UQCC1: variants seen among roughly 807,000 people sequenced by gnomAD.
UQCC1 encodes bFGF-repressed Zic-binding protein.
In UQCC1, 38 loss-of-function variants were observed where a neutral mutation model predicts 48.0. The ratio of observed to expected loss-of-function variants is 0.79; its 90% confidence interval spans 0.61 to 1.04. UQCC1 has a LOEUF of 1.04. Ranked by LOEUF, UQCC1 falls within the 50% of genes least tolerant of loss-of-function variation. UQCC1 has a pLI of 0.00. For synonymous variants in UQCC1, 111 were observed against 129.2 expected (o/e 0.86, Z 0.95); for missense variants, 368 against 381.8 (o/e 0.96, Z 0.30).
At chr20:35,339,250 G>A (rs1401385141) in intron 7 of UQCC1, among the ~76,000 whole-genome samples, 1 of 152,126 alleles carries the variant, frequency 6.6e-6, no homozygotes, top group African/African-American at 2.4e-5. Flanking sequence ...AGTGACTACG[G>A]TAGGCATGTG....
In UQCC1 at chr20:35,302,585, C is replaced by T. The variant is rs1236114912; in HGVS notation, c.*1350G>A. 6.6e-6 allele frequency: 1 copy of T among 152,184 alleles called. No individual in the cohort carries two copies. Among genetic ancestry groups the T allele is most frequent in the African/African-American group, 2.4e-5 (1 of 41,432 alleles). The allele number at this position is 152,184 out of a possible 1,614,324, so 9.4% of individuals were successfully genotyped here. A position where few individuals can be genotyped will look rare whatever the true frequency, so the allele number is the denominator to read the frequency against. The stretch of plus-strand genomic sequence containing the variant: ...CATCCATTCCAGGAGCAGTTAGGTA[C>T]ACACAGTAAAGTTTATTTTGGTGCA... On this transcript the variant is annotated 3_prime_UTR_variant, in exon 10 of 10. Coordinates refer to ENST00000374385, the MANE Select transcript of UQCC1 (RefSeq NM_018244.5).
chr20:35,315,772 C>G (rs1283061820), intron 7 of UQCC1, among the ~76,000 whole-genome samples: 19 of 152,102 alleles, frequency 1.2e-4, no homozygotes, highest in Admixed American at 1.2e-3. Context: ...TGACTGTAGT[C>G]CCGGCTACTT....
Position 35,346,797 on chromosome 20 carries a change from A to G in UQCC1, c.573+367T>C, listed in dbSNP as rs77622153. Reference sequence around the variant, plus strand: ...CAGGGCCTCCCATCAGAACTAATTTATAGAAGGACTGGTTCAAATATTGAA... The same window carrying G: ...CAGGGCCTCCCATCAGAACTAATTTGTAGAAGGACTGGTTCAAATATTGAA... On this transcript the variant is annotated intron_variant, in intron 7 of 9. Transcript: ENST00000374385. 224 of 565,500 alleles carry G rather than the reference A, an allele frequency of 4.0e-4. 1 individual carries two copies. In the East Asian group the frequency reaches 5.2e-3, roughly 13 times the overall value. The allele number at this position is 565,500 out of a possible 1,614,324, so 35.0% of individuals were successfully genotyped here.
At chr20:35,392,274 G>A (rs183766193) in intron 2 of UQCC1, 151 of 1,304,184 alleles carry the variant, frequency 1.2e-4, no homozygotes, top group Middle Eastern at 6.4e-4. Flanking sequence ...TCCAACCAGG[G>A]GACCTCAAAG....
rs115140325 is a variant in UQCC1 at position 35,392,709 on chromosome 20, G to A, written c.129+1383C>T. Among the ~76,000 whole-genome samples the A allele has an allele frequency of 6.8e-3, 1,037 of 152,140 alleles. 16 individuals carry two copies. The highest frequency in any genetic ancestry group is 0.024 in the African/African-American group (991 of 41,506). On this transcript the variant is annotated intron_variant, in intron 2 of 9. Coordinates refer to ENST00000374385, the MANE Select transcript of UQCC1 (RefSeq NM_018244.5). ...GTGACTACTCTGTGCCAGGCATAGTGAAAAGACCAGGAAATACAAGAAAAA... is the reference window on the plus strand; with the variant it reads ...GTGACTACTCTGTGCCAGGCATAGTAAAAAGACCAGGAAATACAAGAAAAA...
chr20:35,346,244 AG>A, intron 7 of UQCC1: 1 of 152,370 alleles, frequency 6.6e-6, no homozygotes, highest in African/African-American at 2.4e-5. Context: ...TGGCCACCCT[AG>A]CCAGCAGTGG....
At chr20:35,317,307 T>C (rs1237867471) in intron 7 of UQCC1, among the ~76,000 whole-genome samples, 1 of 152,222 alleles carries the variant, frequency 6.6e-6, no homozygotes, top group African/African-American at 2.4e-5. Flanking sequence ...AATTTAATAA[T>C]GTATGTATGC....
At chr20:35,386,542 C>A (rs988538029) in intron 2 of UQCC1, among the ~76,000 whole-genome samples, 1 of 152,192 alleles carries the variant, frequency 6.6e-6, no homozygotes, top group African/African-American at 2.4e-5. Context: ...CTTTGTAAAA[C>A]ACAGACTAAA....
intron 1 of UQCC1, among the ~76,000 whole-genome samples, chr20:35,401,019 C>G (rs1197524107): frequency 6.6e-6 from 1 of 152,128 alleles, no homozygotes; most frequent in Non-Finnish European, 1.5e-5. Context: ...ACAGGTGTAG[C>G]GGATTCTAGT....
At chr20:35,312,843 C>T (rs1373781015) in intron 8 of UQCC1, among the ~76,000 whole-genome samples, 2 of 151,998 alleles carry the variant, frequency 1.3e-5, no homozygotes, top group African/African-American at 2.4e-5. Context: ...GAATTATCTA[C>T]AGTAGTCAAA....
chr20:35,380,664 CT>C (rs2146478835), intron 4 of UQCC1, among the ~76,000 whole-genome samples: 1 of 152,314 alleles, frequency 6.6e-6, no homozygotes, highest in East Asian at 1.9e-4. Flanking sequence ...ATCTTCCCTA[CT>C]GCTTTGAGTG....
chr20:35,358,721 A>C (rs1170733831), intron 6 of UQCC1, among the ~76,000 whole-genome samples: 2 of 151,996 alleles, frequency 1.3e-5, no homozygotes, highest in African/African-American at 2.4e-5. Context: ...CACCACACCC[A>C]GCCAATTTTT....
At chr20:35,394,247 A>T (rs1345418961) in intron 1 of UQCC1, 51 bp from the exon 2 acceptor site, 2 of 1,481,182 alleles carry the variant, frequency 1.4e-6, no homozygotes, top group East Asian at 4.5e-5. Context: ...TACTCCCTAC[A>T]TGGAAGGCAA....
chr20:35,401,430 T>A (rs1311946815), intron 1 of UQCC1, among the ~76,000 whole-genome samples: 5 of 152,110 alleles, frequency 3.3e-5, no homozygotes, highest in Admixed American at 6.6e-5. Flanking sequence ...AAAAGAATAC[T>A]TGTTACAGTA....
At chr20:35,314,994 G>A (rs1159817960) in intron 7 of UQCC1, among the ~76,000 whole-genome samples, 2 of 152,144 alleles carry the variant, frequency 1.3e-5, no homozygotes, top group Admixed American at 6.5e-5. Flanking sequence ...TTAATGAACT[G>A]AGCCCCAACC....
intron 2 of UQCC1, chr20:35,386,268 C>T: frequency 4.7e-6 from 2 of 423,884 alleles, no homozygotes; most frequent in South Asian, 1.7e-5. Context: ...CTCACTAATG[C>T]TATATTACCT....
At chr20:35,317,230 G>A (rs1298191578) in intron 7 of UQCC1, among the ~76,000 whole-genome samples, 4 of 152,234 alleles carry the variant, frequency 2.6e-5, no homozygotes, top group South Asian at 2.1e-4. Context: ...GAGCCACTGC[G>A]CCCGGCCCCT....
intron 8 of UQCC1, among the ~76,000 whole-genome samples, chr20:35,308,051 TACCCAAAG>T (rs1855661966): frequency 1.3e-5 from 2 of 152,234 alleles, no homozygotes; most frequent in African/African-American, 2.4e-5. Context: ...TGGTAAACAT[TACCCAAAG>T]ACCCAGGATC....
At chr20:35,329,673 C>CA (rs2061235390) in intron 7 of UQCC1, among the ~76,000 whole-genome samples, 1 of 152,218 alleles carries the variant, frequency 6.6e-6, no homozygotes. Flanking sequence ...GGTCTGACCT[C>CA]AGAGCCTCCA....
Sources: allele counts gnomAD v4.1 joint callset (sites outside exome capture counted in the v4.1 genomes callset), GRCh38; gene constraint gnomAD v4.1.1; transcripts MANE v1.5; gene names NCBI Gene and HGNC (gene_info 2026-07-23, HGNC 2026-07-21).